EXOC4: variants seen among roughly 807,000 people sequenced by gnomAD.
EXOC4 encodes exocyst complex component 4, also known as SEC8-like 1.
A neutral mutation model predicts 107.2 loss-of-function variants in EXOC4; 71 were observed. That is an observed-to-expected ratio of 0.66 (90% CI 0.55 to 0.81). The LOEUF (loss-of-function observed/expected upper bound fraction) is 0.81, where lower values mean the gene tolerates loss of function less well. EXOC4 is among the 30% of genes least tolerant of loss of function. The probability of loss-of-function intolerance (pLI) is 0.00; values close to 1 mark genes in which losing one functional copy is unlikely to be tolerated. For synonymous variants in EXOC4, 456 were observed against 441.2 expected (o/e 1.03, Z -0.42); for missense variants, 1,108 against 1,189.6 (o/e 0.93, Z 1.01).
intron 7 of EXOC4, 35 bp from the exon 8 acceptor site, chr7:133,475,293 T>C: frequency 1.3e-6 from 2 of 1,521,894 alleles, no homozygotes; most frequent in Non-Finnish European, 1.8e-6. Flanking sequence ...TAAAAATGTG[T>C]ATATTAACAT....
At position 133,571,980 on chromosome 7, in the gene EXOC4, G is replaced by A. The variant is rs141774756; in HGVS notation, c.1418-58065G>A. 1.6e-3 allele frequency among the ~76,000 whole-genome samples: 250 copies of A among 152,288 alleles called. 1 individual carries two copies. The highest frequency in any genetic ancestry group is 5.7e-3 in the African/African-American group (236 of 41,548). On this transcript the variant is annotated intron_variant, in intron 9 of 17. Coordinates refer to ENST00000253861, the MANE Select transcript of EXOC4 (RefSeq NM_021807.4). ...ATTGGCAACACCGGAATTTTAAAAG[G>A]GATACTTTGAAACCATAGCAGAAGG... is the stretch of plus-strand genomic sequence containing the variant.
At chr7:133,484,470 C>T (rs1053355277) in intron 9 of EXOC4, among the ~76,000 whole-genome samples, 2 of 152,014 alleles carry the variant, frequency 1.3e-5, no homozygotes, top group African/African-American at 4.8e-5. Flanking sequence ...TTGAATATAG[C>T]TTCTCAGGTT....
chr7:133,710,521 G>A (rs939074063), intron 10 of EXOC4, among the ~76,000 whole-genome samples: 79 of 150,858 alleles, frequency 5.2e-4, no homozygotes, highest in Admixed American at 3.4e-3. Context: ...TTAGCCGGGC[G>A]TAGTGGCGGG....
chr7:133,779,741 T>G (rs1355544499), intron 10 of EXOC4, among the ~76,000 whole-genome samples: 1 of 152,090 alleles, frequency 6.6e-6, no homozygotes, highest in Non-Finnish European at 1.5e-5. Flanking sequence ...ATTTGTAAAA[T>G]AGACCAATCA....
chr7:134,045,360 G>A (rs999055834), intron 17 of EXOC4, among the ~76,000 whole-genome samples: 4 of 152,200 alleles, frequency 2.6e-5, no homozygotes, highest in Non-Finnish European at 5.9e-5. Context: ...ACTTACAAAA[G>A]CGTAGAGCCC....
intron 14 of EXOC4, among the ~76,000 whole-genome samples, chr7:133,975,486 A>C (rs979950144): frequency 6.6e-6 from 1 of 152,192 alleles, no homozygotes. Flanking sequence ...GAATGTTATC[A>C]TATCATATTG....
intron 11 of EXOC4, among the ~76,000 whole-genome samples, chr7:133,854,194 A>G (rs11971531): frequency 0.85 from 129,055 of 151,994 alleles, 55,383 homozygotes; most frequent in African/African-American, 0.96. Context: ...CACTTTACAC[A>G]TGCCTCTGCA....
At chr7:133,574,428 A>G (rs1801085756) in intron 9 of EXOC4, among the ~76,000 whole-genome samples, 1 of 152,144 alleles carries the variant, frequency 6.6e-6, no homozygotes, top group Non-Finnish European at 1.5e-5. Context: ...GAGGGTAGAC[A>G]TTTTCTCTTG....
At chr7:134,067,632 T>TACACACACACACACACACAC (rs1177750777), downstream of EXOC4, among the ~76,000 whole-genome samples, 4 of 98,516 alleles carry the variant, frequency 4.1e-5, no homozygotes, top group South Asian at 3.2e-4. Flanking sequence ...CTCTTATATA[T>TACACACACACACACACACAC]ATATATACAC....
At chr7:133,779,673 A>C (rs140930827) in intron 10 of EXOC4, among the ~76,000 whole-genome samples, 4 of 152,140 alleles carry the variant, frequency 2.6e-5, no homozygotes, top group African/African-American at 9.6e-5. Flanking sequence ...GGTTTGTAAA[A>C]TGCACCAATC....
chr7:133,558,689 A>G (rs1176026523), intron 9 of EXOC4, among the ~76,000 whole-genome samples: 1 of 152,260 alleles, frequency 6.6e-6, no homozygotes, highest in East Asian at 1.9e-4. Flanking sequence ...GGCTGTGACT[A>G]TGCTTACTGA....
chr7:133,459,808 GATAA>G (rs904283795), intron 7 of EXOC4, among the ~76,000 whole-genome samples: 15 of 152,114 alleles, frequency 9.9e-5, no homozygotes, highest in Non-Finnish European at 1.8e-4. Context: ...ATAATGAAAT[GATAA>G]ATCAACAGAC....
intron 9 of EXOC4, among the ~76,000 whole-genome samples, chr7:133,628,502 A>G (rs1043950350): frequency 4.6e-5 from 7 of 152,172 alleles, no homozygotes; most frequent in African/African-American, 1.7e-4. Context: ...GCGTTATATC[A>G]CTTCCCCTGG....
chr7:133,340,780 T>G (rs567672071), intron 5 of EXOC4, among the ~76,000 whole-genome samples: 1 of 152,248 alleles, frequency 6.6e-6, no homozygotes, highest in African/African-American at 2.4e-5. Flanking sequence ...CAGGAACTTA[T>G]CCATCTCCTG....
chr7:133,749,322 T>C (rs1317585322), intron 10 of EXOC4, among the ~76,000 whole-genome samples: 1 of 152,176 alleles, frequency 6.6e-6, no homozygotes, highest in African/African-American at 2.4e-5. Context: ...TGGGTCCTGA[T>C]GGATGGTGGC....
At chr7:133,619,303 G>A (rs1383338479) in intron 9 of EXOC4, among the ~76,000 whole-genome samples, 1 of 152,100 alleles carries the variant, frequency 6.6e-6, no homozygotes, top group Admixed American at 6.6e-5. Flanking sequence ...ATGCCAATCC[G>A]TTCAAAATAA....
chr7:133,353,748 C>A (rs117073327), intron 5 of EXOC4, among the ~76,000 whole-genome samples: 2 of 151,954 alleles, frequency 1.3e-5, no homozygotes, highest in African/African-American at 4.8e-5. Context: ...TCTTTCTTCT[C>A]CTTTCAGAGC....
chr7:133,490,635 G>C (rs911140114), intron 9 of EXOC4, among the ~76,000 whole-genome samples: 1 of 152,082 alleles, frequency 6.6e-6, no homozygotes, highest in Non-Finnish European at 1.5e-5. Flanking sequence ...GATTTTTACT[G>C]ATTATAATTT....
chr7:133,897,188 A>G (rs2116530111), intron 12 of EXOC4, among the ~76,000 whole-genome samples: 1 of 152,146 alleles, frequency 6.6e-6, no homozygotes, highest in East Asian at 1.9e-4. Flanking sequence ...GCAGAGGAAT[A>G]CAACATAGAT....
Sources: allele counts gnomAD v4.1 joint callset (sites outside exome capture counted in the v4.1 genomes callset), GRCh38; gene constraint gnomAD v4.1.1; transcripts MANE v1.5; gene names NCBI Gene and HGNC (gene_info 2026-07-23, HGNC 2026-07-21).